SNX29: variants seen among roughly 807,000 people sequenced by gnomAD.
The protein encoded by SNX29 is sorting nexin 29.
SNX29 carries 78 observed loss-of-function variants against 102.1 expected under a neutral mutation model. The observed-to-expected ratio is 0.76, with a 90% confidence interval of 0.64 to 0.92. The LOEUF (loss-of-function observed/expected upper bound fraction) is 0.92, where lower values mean the gene tolerates loss of function less well. SNX29 is among the 40% of genes least tolerant of loss of function. The pLI is 0.00. For synonymous variants in SNX29, 580 were observed against 414.5 expected (o/e 1.40, Z -4.85); for missense variants, 1,280 against 1,061.7 (o/e 1.21, Z -2.86).
intron 15 of SNX29, among the ~76,000 whole-genome samples, chr16:12,305,755 C>A (rs949652051): frequency 6.6e-6 from 1 of 152,152 alleles, no homozygotes; most frequent in African/African-American, 2.4e-5. Flanking sequence ...TTCCTAATTA[C>A]AATTTTTAAT....
chr16:12,062,477 C>T (rs2050820559), intron 9 of SNX29, among the ~76,000 whole-genome samples: 1 of 151,880 alleles, frequency 6.6e-6, no homozygotes, highest in Non-Finnish European at 1.5e-5. Context: ...GAGCACGTGC[C>T]CGTGTGGTTT....
At chr16:12,042,388 G>A (rs1343033740) in intron 4 of SNX29, among the ~76,000 whole-genome samples, 3 of 152,104 alleles carry the variant, frequency 2.0e-5, no homozygotes, top group Admixed American at 1.3e-4. Flanking sequence ...GGTACATTGC[G>A]TGATGCCGAG....
intron 18 of SNX29, among the ~76,000 whole-genome samples, chr16:12,464,363 GAAT>G (rs2086956038): frequency 6.6e-6 from 1 of 152,094 alleles, no homozygotes; most frequent in Non-Finnish European, 1.5e-5. Context: ...CATATCTTGT[GAAT>G]AATAATACTG....
intron 20 of SNX29, among the ~76,000 whole-genome samples, chr16:12,535,844 C>A (rs537232146): frequency 6.6e-6 from 1 of 152,162 alleles, no homozygotes; most frequent in African/African-American, 2.4e-5. Context: ...GTGCTTAGAT[C>A]GGCCATGGGA....
intron 15 of SNX29, among the ~76,000 whole-genome samples, chr16:12,335,847 G>T (rs953542934): frequency 3.3e-5 from 5 of 152,134 alleles, no homozygotes; most frequent in Non-Finnish European, 5.9e-5. Flanking sequence ...TACTAATGAG[G>T]ACGCCAAGGC....
intron 11 of SNX29, among the ~76,000 whole-genome samples, chr16:12,124,647 G>A (rs1231031606): frequency 6.6e-6 from 1 of 152,202 alleles, no homozygotes; most frequent in African/African-American, 2.4e-5. Flanking sequence ...CAGGAGCAGA[G>A]ATTCATTGAA....
intron 13 of SNX29, among the ~76,000 whole-genome samples, chr16:12,157,386 G>T (rs2055596764): frequency 6.6e-6 from 1 of 152,108 alleles, no homozygotes; most frequent in Non-Finnish European, 1.5e-5. Flanking sequence ...CAGCATGAGG[G>T]CGAGAGGTGA....
chr16:12,342,543 G>A (rs2081639988), intron 15 of SNX29, among the ~76,000 whole-genome samples: 1 of 152,182 alleles, frequency 6.6e-6, no homozygotes, highest in African/African-American at 2.4e-5. Context: ...GGGGCTTAAG[G>A]AAGTTGTAGG....
chr16:12,177,412 C>T (rs1180728272), intron 13 of SNX29, among the ~76,000 whole-genome samples: 1 of 152,162 alleles, frequency 6.6e-6, no homozygotes, highest in Non-Finnish European at 1.5e-5. Flanking sequence ...ATTTTTATGG[C>T]TCCATTTTAA....
chr16:12,199,736 C>A (rs1288092875), intron 14 of SNX29, 53 bp downstream of exon 14: 1 of 1,471,070 alleles, frequency 6.8e-7, no homozygotes, highest in Non-Finnish European at 9.4e-7. Context: ...TCCATTAACA[C>A]CTGTACGTGG....
chr16:11,980,407 A>G (rs891104527), intron 1 of SNX29, among the ~76,000 whole-genome samples: 14 of 152,176 alleles, frequency 9.2e-5, no homozygotes, highest in African/African-American at 1.9e-4. Context: ...TTATTCATGC[A>G]TCAAAAATGG....
chr16:12,530,340 G>A (rs922469130), intron 20 of SNX29, among the ~76,000 whole-genome samples: 2 of 152,132 alleles, frequency 1.3e-5, no homozygotes, highest in African/African-American at 4.8e-5. Flanking sequence ...AGATTGTGGG[G>A]AGCAGATATT....
chr16:12,210,038 A>G (rs1260846559), intron 14 of SNX29, among the ~76,000 whole-genome samples: 1 of 152,160 alleles, frequency 6.6e-6, no homozygotes, highest in Non-Finnish European at 1.5e-5. Flanking sequence ...TTGTCTAATC[A>G]GTATCCATTC....
intron 19 of SNX29, among the ~76,000 whole-genome samples, chr16:12,508,790 G>T (rs2089485806): frequency 6.6e-6 from 1 of 152,090 alleles, no homozygotes; most frequent in Non-Finnish European, 1.5e-5. Context: ...CTCTCTCCTG[G>T]CTGGCTCTGA....
chr16:12,216,346 A>G (rs751124521), intron 14 of SNX29, among the ~76,000 whole-genome samples: 3 of 152,182 alleles, frequency 2.0e-5, no homozygotes, highest in Non-Finnish European at 4.4e-5. Context: ...TCCTTGACAC[A>G]TGGACTTTTT....
rs571476463 is a variant in SNX29 at position 12,383,041 on chromosome 16, G to A, written c.1900-15405G>A. 2.0e-5 allele frequency among the ~76,000 whole-genome samples: 3 copies of A among 152,182 alleles called. No individual in the cohort carries two copies. In the South Asian group the frequency reaches 6.2e-4, roughly 32 times the overall value. On this transcript the variant is annotated intron_variant, in intron 16 of 20. Transcript: ENST00000566228. ...CATATCTTTTTGGAGGACACCGTTC[G>A]ACCTACTACAGCTGCTATTATTTAA...
chr16:12,261,203 TGC>T (rs2078744783), intron 14 of SNX29, among the ~76,000 whole-genome samples: 9 of 105,780 alleles, frequency 8.5e-5, no homozygotes, highest in East Asian at 6.3e-4. Flanking sequence ...GGTCTGTGCG[TGC>T]GTCCCTGGCT....
intron 14 of SNX29, among the ~76,000 whole-genome samples, chr16:12,269,816 ACATCATCATCATCATCATCACCAT>A (rs2079036729): frequency 6.8e-6 from 1 of 146,968 alleles, no homozygotes; most frequent in African/African-American, 2.5e-5. Flanking sequence ...ATTTTACTTT[ACATCATCATCATCATCATCACCAT>A]CATCATCATC....
intron 15 of SNX29, among the ~76,000 whole-genome samples, chr16:12,298,838 C>G (rs990413339): frequency 5.3e-5 from 8 of 152,028 alleles, no homozygotes; most frequent in Admixed American, 1.3e-4. Flanking sequence ...TGGCGTGATT[C>G]CTATGTGCCT....
Sources: gnomAD v4.1 joint callset for allele counts (sites outside exome capture counted in the v4.1 genomes callset) on GRCh38, gnomAD v4.1.1 for gene constraint, MANE v1.5 for transcripts, NCBI Gene and HGNC (gene_info 2026-07-23, HGNC 2026-07-21) for gene names.